The following ARSJ variants were observed in gnomAD, a reference collection of about 807,000 sequenced individuals.
ARSJ encodes arylsulfatase J.
ARSJ carries 26 observed loss-of-function variants against 35.9 expected under a neutral mutation model. The observed-to-expected ratio is 0.72, with a 90% CI of 0.53 to 1.00. The LOEUF is 1.00. Ranked by LOEUF, ARSJ falls within the 50% of genes least tolerant of loss-of-function variation. The pLI, the probability that ARSJ is intolerant of heterozygous loss-of-function variation, is 0.00. For missense variants in ARSJ, 667 were observed against 723.6 expected (o/e 0.92, Z 0.90); for synonymous variants, 294 against 267.6 (o/e 1.10, Z -0.96).
At chr4:113,970,995 G>C (rs1594518663) in intron 1 of ARSJ, 1 of 151,736 alleles carries the variant, frequency 6.6e-6, no homozygotes, top group Admixed American at 6.6e-5. Flanking sequence ...TAAAATAGAA[G>C]AGAGAGATTA....
At chr4:113,955,783 GT>G (rs1726144293) in intron 1 of ARSJ, among the ~76,000 whole-genome samples, 1 of 152,016 alleles carries the variant, frequency 6.6e-6, no homozygotes, top group South Asian at 2.1e-4. Flanking sequence ...CTATAATGAA[GT>G]TTTTTGATTC....
chr4:113,939,958 G>T (rs935425175), intron 1 of ARSJ, among the ~76,000 whole-genome samples: 1 of 151,392 alleles, frequency 6.6e-6, no homozygotes, highest in African/African-American at 2.4e-5. Context: ...GGCTTTTGTT[G>T]CAGAATGGCA....
chr4:113,925,762 A>T lies in ARSJ; in HGVS notation c.399-22087T>A, dbSNP rs145956435. Among the ~76,000 whole-genome samples, 653 of 152,256 alleles carry T rather than the reference A, an allele frequency of 4.3e-3. 8 individuals carry two copies. The highest frequency in any genetic ancestry group is 6.8e-3 in the Middle Eastern group (2 of 294). Reference sequence around the variant, plus strand: ...CATTGTGTGCAGGATAGGCAAACCCATATCTGGAGTAAATGTCTATTCCAG... The same window carrying T: ...CATTGTGTGCAGGATAGGCAAACCCTTATCTGGAGTAAATGTCTATTCCAG... On this transcript the variant is annotated intron_variant, in intron 1 of 1. Transcript: ENST00000315366.
chr4:113,903,599 T>C lies in ARSJ; in HGVS notation c.475A>G (p.Thr159Ala), dbSNP rs911207257. 4 of 1,614,080 alleles carry C rather than the reference T, an allele frequency of 2.5e-6. No homozygotes were observed. Among genetic ancestry groups the C allele is most frequent in the Non-Finnish European group, 3.4e-6 (4 of 1,180,038 alleles). Reference protein sequence around the residue: ...QPNCLPLDNATLPQKLKEVGY... With the variant: ...QPNCLPLDNAALPQKLKEVGY... ...ACCTCCTTCAGTTTCTGAGGTAGGG[T>C]GGCATTGTCCAGAGGTAAACAGTTG... Residue 159 changes from threonine to alanine, a missense_variant, in exon 2 of 2, where the codon ACC becomes GCC. Coordinates refer to ENST00000315366, the MANE Select transcript of ARSJ (RefSeq NM_024590.4).
intron 1 of ARSJ, among the ~76,000 whole-genome samples, chr4:113,971,734 A>T (rs1727261643): frequency 6.6e-6 from 1 of 152,254 alleles, no homozygotes; most frequent in African/African-American, 2.4e-5. Flanking sequence ...TCAACTAAAT[A>T]TATATGAAAG....
At chr4:113,920,651 A>G (rs1195075578) in intron 1 of ARSJ, among the ~76,000 whole-genome samples, 1 of 152,170 alleles carries the variant, frequency 6.6e-6, no homozygotes, top group Non-Finnish European at 1.5e-5. Context: ...TAAAGAATTC[A>G]GAAGGCTGCA....
chr4:113,975,637 T>G (rs559981868), intron 1 of ARSJ, among the ~76,000 whole-genome samples: 1 of 152,098 alleles, frequency 6.6e-6, no homozygotes. Flanking sequence ...CTACCCCTCT[T>G]AGAATCTGTT....
At chr4:113,903,815 C>G (rs2099667892) in intron 1 of ARSJ, 140 bp from the exon 2 acceptor site, 1 of 1,199,564 alleles carries the variant, frequency 8.3e-7, no homozygotes, top group Non-Finnish European at 1.1e-6. Flanking sequence ...ATGACCAATT[C>G]AGCATTTCTG....
At chr4:113,913,249 T>A (rs2149253553) in intron 1 of ARSJ, among the ~76,000 whole-genome samples, 1 of 152,312 alleles carries the variant, frequency 6.6e-6, no homozygotes, top group Non-Finnish European at 1.5e-5. Flanking sequence ...GCCTTACTCA[T>A]CCACTGTCGG....
chr4:113,936,559 TAA>T (rs1724778199), intron 1 of ARSJ, among the ~76,000 whole-genome samples: 1 of 151,874 alleles, frequency 6.6e-6, no homozygotes, highest in African/African-American at 2.4e-5. Flanking sequence ...AATAGTGAAC[TAA>T]GTTTAAAAAA....
intron 1 of ARSJ, among the ~76,000 whole-genome samples, chr4:113,964,942 T>C (rs1220743551): frequency 1.3e-5 from 2 of 152,076 alleles, no homozygotes; most frequent in Admixed American, 1.3e-4. Flanking sequence ...GGATCAATAA[T>C]ATATGTGGAA....
chr4:113,924,688 T>C (rs1030475724), intron 1 of ARSJ, among the ~76,000 whole-genome samples: 5 of 152,078 alleles, frequency 3.3e-5, no homozygotes, highest in African/African-American at 9.7e-5. Flanking sequence ...TAAAAGCTGA[T>C]AGAAAGTCAA....
At chr4:113,971,921 T>C (rs1010301733) in intron 1 of ARSJ, among the ~76,000 whole-genome samples, 2 of 152,202 alleles carry the variant, frequency 1.3e-5, no homozygotes, top group African/African-American at 4.8e-5. Context: ...CACATGCCTA[T>C]CAAATGAAAT....
At chr4:113,938,966 G>C (rs1724945616) in intron 1 of ARSJ, among the ~76,000 whole-genome samples, 2 of 151,430 alleles carry the variant, frequency 1.3e-5, no homozygotes, top group African/African-American at 4.9e-5. Flanking sequence ...CAATGTGCAG[G>C]TTAGTTGCAT....
intron 1 of ARSJ, among the ~76,000 whole-genome samples, chr4:113,958,171 CCAAA>C (rs1247831505): frequency 1.3e-5 from 2 of 152,006 alleles, no homozygotes. Flanking sequence ...CTCTCTCCTT[CCAAA>C]CAAACCATGG....
intron 1 of ARSJ, among the ~76,000 whole-genome samples, chr4:113,923,280 C>T (rs1354932326): frequency 6.6e-6 from 1 of 152,116 alleles, no homozygotes; most frequent in East Asian, 1.9e-4. Flanking sequence ...TAAAAGATGC[C>T]TTTAAAGTGT....
intron 1 of ARSJ, among the ~76,000 whole-genome samples, chr4:113,942,712 T>C (rs1725233796): frequency 6.6e-6 from 1 of 152,070 alleles, no homozygotes; most frequent in African/African-American, 2.4e-5. Context: ...AACAAACAGT[T>C]CTGCTAGAAT....
intron 1 of ARSJ, among the ~76,000 whole-genome samples, chr4:113,914,905 A>G (rs1380046712): frequency 6.6e-6 from 1 of 152,222 alleles, no homozygotes; most frequent in African/African-American, 2.4e-5. Context: ...TCTTCAAAAC[A>G]GTTGAGTTTC....
At chr4:113,961,734 A>T (rs1726549030) in intron 1 of ARSJ, among the ~76,000 whole-genome samples, 1 of 152,150 alleles carries the variant, frequency 6.6e-6, no homozygotes, top group South Asian at 2.1e-4. Flanking sequence ...GTGGACTTCA[A>T]GTTTTAACAA....
Sources: allele counts gnomAD v4.1 joint callset (sites outside exome capture counted in the v4.1 genomes callset), GRCh38; gene constraint gnomAD v4.1.1; transcripts MANE v1.5; gene names NCBI Gene and HGNC (gene_info 2026-07-23, HGNC 2026-07-21).